The following FOXP1 variants were observed in gnomAD, a reference collection of about 807,000 sequenced individuals.
The protein encoded by FOXP1 is forkhead box P1, also known as forkhead box protein P1.
In FOXP1, 15 loss-of-function variants were observed where a neutral mutation model predicts 98.2. The ratio of observed to expected loss-of-function variants is 0.15; its 90% confidence interval spans 0.10 to 0.24. FOXP1 has a LOEUF of 0.24. FOXP1 is among the 10% of genes least tolerant of loss of function. The pLI is 1.00. For synonymous variants in FOXP1, 371 were observed against 314.5 expected (o/e 1.18, Z -1.90); for missense variants, 633 against 848.5 (o/e 0.75, Z 3.15).
intron 7 of FOXP1, among the ~76,000 whole-genome samples, chr3:71,072,406 C>A (rs1263751187): frequency 1.3e-5 from 2 of 152,190 alleles, no homozygotes; most frequent in African/African-American, 4.8e-5. Flanking sequence ...GCTCAATAAT[C>A]TCGAACACTG....
intron 7 of FOXP1, among the ~76,000 whole-genome samples, chr3:71,082,353 A>G (rs2107531268): frequency 6.6e-6 from 1 of 152,136 alleles, no homozygotes; most frequent in South Asian, 2.1e-4. Context: ...AATGGGCATC[A>G]TATGAAAGCC....
chr3:71,158,589 G>C (rs1000910803), intron 6 of FOXP1, among the ~76,000 whole-genome samples: 2 of 152,094 alleles, frequency 1.3e-5, no homozygotes, highest in South Asian at 4.2e-4. Flanking sequence ...TTTCATATAT[G>C]GTACAGGCAA....
chr3:71,399,377 T>A (rs2081791904), intron 3 of FOXP1, among the ~76,000 whole-genome samples: 1 of 152,132 alleles, frequency 6.6e-6, no homozygotes, highest in Admixed American at 6.5e-5. Flanking sequence ...TAAGAAAAGG[T>A]GACTACACTT....
chr3:71,458,768 C>T (rs1460094100), intron 3 of FOXP1, among the ~76,000 whole-genome samples: 1 of 152,172 alleles, frequency 6.6e-6, no homozygotes, highest in Non-Finnish European at 1.5e-5. Context: ...TCTGCAATTT[C>T]TTACCCAAAT....
At chr3:71,460,439 T>TG (rs2108535559) in intron 3 of FOXP1, among the ~76,000 whole-genome samples, 1 of 151,364 alleles carries the variant, frequency 6.6e-6, no homozygotes, top group East Asian at 2.0e-4. Context: ...CGTTTTTTTT[T>TG]GTTGTTGTTG....
At chr3:71,508,715 TA>T (rs1430729542) in intron 2 of FOXP1, among the ~76,000 whole-genome samples, 3 of 152,180 alleles carry the variant, frequency 2.0e-5, no homozygotes, top group African/African-American at 7.2e-5. Context: ...CCAATTATCG[TA>T]ATAGATCCTA....
intron 6 of FOXP1, among the ~76,000 whole-genome samples, chr3:71,156,637 G>A (rs2060836900): frequency 6.6e-6 from 1 of 152,178 alleles, no homozygotes; most frequent in Admixed American, 6.5e-5. Flanking sequence ...ATGGTGCAGG[G>A]GAAAACAGAG....
intron 7 of FOXP1, among the ~76,000 whole-genome samples, chr3:71,057,745 G>A (rs898105758): frequency 5.3e-5 from 8 of 152,050 alleles, no homozygotes; most frequent in Admixed American, 1.3e-4. Context: ...AAAAACACAC[G>A]GCATGATACA....
In FOXP1 at chr3:71,000,990, T is replaced by G. The variant is rs1464807402; in HGVS notation, c.1044A>C (p.Val348=). ...TAQCRVQMQV[V]QQLELQLAKD... ...GTTTTACCTGTAGCTCTAACTGCTG[T>G]ACAACCTGCATTTGTACTCTACATT... is the stretch of plus-strand genomic sequence containing the variant. Residue 348 remains valine (V), a synonymous_variant, in exon 13 of 21, where the codon GTA becomes GTC. Coordinates refer to ENST00000649528, the MANE Select transcript of FOXP1 (RefSeq NM_001349338.3). 1.2e-6 allele frequency: 2 copies of G among 1,612,414 alleles called. No individual in the cohort carries two copies. The highest frequency in any genetic ancestry group is 2.2e-5 in the East Asian group (1 of 44,866).
chr3:71,158,902 C>T (rs147779731), intron 6 of FOXP1, among the ~76,000 whole-genome samples: 61 of 151,926 alleles, frequency 4.0e-4, no homozygotes, highest in East Asian at 2.7e-3. Flanking sequence ...CCCAGGAGTT[C>T]GAGACCAGCC....
chr3:71,259,636 A>G (rs2107164012), intron 5 of FOXP1, among the ~76,000 whole-genome samples: 1 of 152,342 alleles, frequency 6.6e-6, no homozygotes, highest in East Asian at 1.9e-4. Context: ...ATGGTTTGTG[A>G]TGAGTAATGA....
intron 5 of FOXP1, among the ~76,000 whole-genome samples, chr3:71,206,576 C>T (rs2064049931): frequency 6.7e-6 from 1 of 149,944 alleles, no homozygotes; most frequent in Non-Finnish European, 1.5e-5. Flanking sequence ...CCCTTCTTCA[C>T]CAGGCTTTCA....
intron 5 of FOXP1, 33 bp from the exon 6 acceptor site, chr3:71,198,425 A>AGGGGGGGGGGGGT: frequency 1.9e-6 from 1 of 527,312 alleles, no homozygotes; most frequent in Admixed American, 2.1e-5. Context: ...GGGGGGAGGG[A>AGGGGGGGGGGGGT]GGGGGGGAGA....
At chr3:71,298,949 A>G (rs1407113049) in intron 5 of FOXP1, among the ~76,000 whole-genome samples, 5 of 152,234 alleles carry the variant, frequency 3.3e-5, no homozygotes, top group Admixed American at 3.3e-4. Flanking sequence ...TTTTAGACAG[A>G]CACAAATCTA....
intron 4 of FOXP1, among the ~76,000 whole-genome samples, chr3:71,335,807 C>A (rs111447481): frequency 0.01 from 1,520 of 151,990 alleles, 27 homozygotes; most frequent in African/African-American, 0.034. Flanking sequence ...GAGTTTGAGA[C>A]CAGCTTGGCC....
intron 3 of FOXP1, among the ~76,000 whole-genome samples, chr3:71,416,076 C>G (rs1317411540): frequency 6.6e-6 from 1 of 152,016 alleles, no homozygotes; most frequent in Non-Finnish European, 1.5e-5. Flanking sequence ...ACTCAGAGAC[C>G]AAAACACAAC....
intron 5 of FOXP1, among the ~76,000 whole-genome samples, chr3:71,270,674 G>A (rs1054486984): frequency 7.9e-5 from 12 of 152,350 alleles, no homozygotes; most frequent in African/African-American, 2.6e-4. Context: ...GGCCCACCGT[G>A]TTTTAACTGG....
intron 2 of FOXP1, among the ~76,000 whole-genome samples, chr3:71,509,916 C>T (rs757179283): frequency 1.3e-5 from 2 of 152,130 alleles, no homozygotes; most frequent in East Asian, 3.9e-4. Context: ...CGGTGGCTCA[C>T]GCCTGTAATC....
At chr3:71,001,923 T>C (rs977303149) in intron 12 of FOXP1, among the ~76,000 whole-genome samples, 3 of 152,242 alleles carry the variant, frequency 2.0e-5, no homozygotes, top group Admixed American at 6.5e-5. Flanking sequence ...ATGGGATATT[T>C]GCCTCAAATT....
Sources: gnomAD v4.1 joint callset for allele counts (sites outside exome capture counted in the v4.1 genomes callset) on GRCh38, gnomAD v4.1.1 for gene constraint, MANE v1.5 for transcripts, NCBI Gene and HGNC (gene_info 2026-07-23, HGNC 2026-07-21) for gene names.